The following RAB3GAP2 variants were observed in gnomAD, a reference collection of about 807,000 sequenced individuals.
RAB3GAP2 encodes the protein rab3 GTPase-activating protein non-catalytic subunit.
A neutral mutation model predicts 185.3 loss-of-function variants in RAB3GAP2; 87 were observed. That is an observed-to-expected ratio of 0.47 (90% confidence interval 0.39 to 0.56). RAB3GAP2 has a LOEUF of 0.56. RAB3GAP2 is among the 20% of genes least tolerant of loss of function. RAB3GAP2 has a pLI of 0.00. For synonymous variants in RAB3GAP2, 554 were observed against 576.1 expected, an observed-to-expected ratio of 0.96 and a Z score of 0.55; for missense variants, 1,492 against 1,638.2, an observed-to-expected ratio of 0.91 and a Z score of 1.54.
intron 1 of RAB3GAP2, among the ~76,000 whole-genome samples, chr1:220,244,252 T>C (rs545740449): frequency 2.8e-4 from 43 of 152,282 alleles, no homozygotes; most frequent in African/African-American, 9.9e-4. Flanking sequence ...AGCACTACTA[T>C]ACACCAACAA....
intron 31 of RAB3GAP2, 156 bp from the exon 32 acceptor site, chr1:220,154,213 ATATAG>A: frequency 2.7e-6 from 3 of 1,108,398 alleles, no homozygotes; most frequent in South Asian, 3.3e-5. Context: ...ATTATCTAGT[ATATAG>A]TAGACAGCCT....
chr1:220,188,660 G>A (rs1332110672), intron 17 of RAB3GAP2, among the ~76,000 whole-genome samples: 1 of 152,168 alleles, frequency 6.6e-6, no homozygotes, highest in Non-Finnish European at 1.5e-5. Flanking sequence ...AGTTGAAGAA[G>A]CTCACACCCT....
At chr1:220,185,618 A>G (rs1658493547) in intron 18 of RAB3GAP2, 33 bp downstream of exon 18, 1 of 1,522,226 alleles carries the variant, frequency 6.6e-7, no homozygotes. Flanking sequence ...TTGAGTTAAG[A>G]ACATAACCTC....
chr1:220,170,810 T>G (rs548314799), intron 24 of RAB3GAP2, 82 bp downstream of exon 24: 1 of 1,156,764 alleles, frequency 8.6e-7, no homozygotes, highest in Admixed American at 1.8e-5. Flanking sequence ...TTTCTTTCTC[T>G]ATTCTTTCCG....
chr1:220,182,692 A>G (rs1043859635), intron 20 of RAB3GAP2, 26 bp downstream of exon 20: 2 of 1,495,488 alleles, frequency 1.3e-6, no homozygotes, highest in Non-Finnish European at 1.8e-6. Context: ...AGAGGCATAC[A>G]AAGACCAGTG....
intron 9 of RAB3GAP2, among the ~76,000 whole-genome samples, chr1:220,199,031 A>G (rs1337598851): frequency 1.3e-5 from 2 of 152,078 alleles, no homozygotes; most frequent in African/African-American, 4.8e-5. Flanking sequence ...GAGGAACACA[A>G]AGGAGATCTA....
rs1273878141 is a variant in RAB3GAP2 at position 220,184,031 on chromosome 1, C to G, written c.1998+5G>C. On this transcript the variant is annotated splice_donor_5th_base_variant and intron_variant, in intron 19 of 34. Transcript: ENST00000358951. ...TTATATAATATAAAATGTGGGATTACTCACATTATCAGAGAATGGTGTGTC... is the reference window on the plus strand; with the variant it reads ...TTATATAATATAAAATGTGGGATTAGTCACATTATCAGAGAATGGTGTGTC... 6.5e-7 allele frequency: 1 copy of G among 1,542,244 alleles called. No homozygotes were observed. The highest frequency in any genetic ancestry group is 8.9e-7 in the Non-Finnish European group (1 of 1,123,048).
intron 17 of RAB3GAP2, among the ~76,000 whole-genome samples, chr1:220,187,967 T>C (rs900743266): frequency 2.6e-5 from 4 of 152,050 alleles, no homozygotes; most frequent in African/African-American, 9.7e-5. Context: ...GGTAGAAGTC[T>C]TGTGGGACTG....
Position 220,199,476 on chromosome 1 carries a change from A to G in RAB3GAP2, c.811+2800T>C, listed in dbSNP as rs188192565. Among the ~76,000 whole-genome samples the G allele has an allele frequency of 3.8e-4, 58 of 152,310 alleles. No individual in the cohort carries two copies. In the Middle Eastern group the frequency reaches 0.01, roughly 27 times the overall value. On this transcript the variant is annotated intron_variant, in intron 9 of 34. Coordinates refer to ENST00000358951, the MANE Select transcript of RAB3GAP2 (RefSeq NM_012414.4). ...TAAGTAAATAACTCCATGTTGTCAA[A>G]TCCAATGGACCTTCTTCTTTTCTTG...
intron 1 of RAB3GAP2, chr1:220,267,348 A>T: frequency 9.0e-7 from 1 of 1,109,376 alleles, no homozygotes; most frequent in Admixed American, 1.7e-5. Context: ...TTATATTAGG[A>T]TGTTGGAGGT....
chr1:220,226,549 A>G (rs899854406), intron 2 of RAB3GAP2, among the ~76,000 whole-genome samples: 5 of 152,022 alleles, frequency 3.3e-5, no homozygotes, highest in African/African-American at 1.2e-4. Context: ...TCATCATGTC[A>G]CTTAAAATCA....
intron 7 of RAB3GAP2, chr1:220,207,592 T>G (rs538970837): frequency 6.6e-6 from 1 of 152,254 alleles, no homozygotes; most frequent in Admixed American, 6.5e-5. Context: ...TGTTCTCACA[T>G]GACAAGTTCA....
At chr1:220,167,843 G>A (rs566171000) in intron 24 of RAB3GAP2, among the ~76,000 whole-genome samples, 168 bp from the exon 25 acceptor site, 5 of 152,246 alleles carry the variant, frequency 3.3e-5, no homozygotes, top group Non-Finnish European at 5.9e-5. Flanking sequence ...TACCTACCAC[G>A]CAACTTGTGA....
intron 1 of RAB3GAP2, among the ~76,000 whole-genome samples, chr1:220,243,167 A>C (rs893743821): frequency 3.3e-5 from 5 of 152,102 alleles, no homozygotes; most frequent in African/African-American, 1.2e-4. Context: ...ATCCTGGCTA[A>C]CATGGTGAAA....
chr1:220,175,568 G>C (rs549545552), intron 21 of RAB3GAP2, among the ~76,000 whole-genome samples: 10 of 152,286 alleles, frequency 6.6e-5, no homozygotes, highest in African/African-American at 2.4e-4. Context: ...CTTAAAGCTT[G>C]GTTCATTTCC....
At chr1:220,178,710 A>T (rs1048231059) in intron 21 of RAB3GAP2, among the ~76,000 whole-genome samples, 2 of 137,126 alleles carry the variant, frequency 1.5e-5, no homozygotes, top group South Asian at 2.1e-4. Flanking sequence ...ACTTAACTAT[A>T]AAAAAAAAGA....
intron 2 of RAB3GAP2, among the ~76,000 whole-genome samples, chr1:220,218,922 T>G (rs1029839708): frequency 6.6e-6 from 1 of 152,164 alleles, no homozygotes; most frequent in Non-Finnish European, 1.5e-5. Context: ...AGGCACAGTA[T>G]TCAACATATC....
At position 220,151,265 on chromosome 1, in the gene RAB3GAP2, G is replaced by A. The variant is rs1247984384; in HGVS notation, c.4168C>T (p.Leu1390Phe). The A allele has an allele frequency of 3.7e-6, 6 of 1,613,908 alleles. No individual in the cohort carries two copies. The highest frequency in any genetic ancestry group is 4.2e-6 in the Non-Finnish European group (5 of 1,179,916). ...GTAGGTAAGTGTCATAAAGAAGGAA[G>A]AGATATGGCTTCCACAGCTTCAATG... ...HLIEAVEAIS[L>F]PSL The change falls in exon 35 of 35, where the codon CTT (leucine) becomes TTT (phenylalanine). Residue 1390 changes from leucine to phenylalanine, a missense_variant. This residue lies in a region of RAB3GAP2 where 387 missense variants were observed against 455.3 expected (regional missense o/e 0.85). Transcript: ENST00000358951.
chr1:220,159,304 A>C (rs535144423), intron 29 of RAB3GAP2, 82 bp downstream of exon 29: 214 of 1,172,942 alleles, frequency 1.8e-4, no homozygotes, highest in Admixed American at 1.7e-3. Context: ...TAAAAGGCAA[A>C]GTTCACCTAT....
Sources: gnomAD v4.1 joint callset for allele counts (sites outside exome capture counted in the v4.1 genomes callset) on GRCh38, gnomAD v4.1.1 for gene constraint, gnomAD v4.1.1 regional missense constraint, MANE v1.5 for transcripts, NCBI Gene and HGNC (gene_info 2026-07-23, HGNC 2026-07-21) for gene names.